The following NELL2 variants were observed in gnomAD, a reference collection of about 807,000 sequenced individuals.
NELL2 encodes the protein neural EGFL like 2.
In NELL2, 41 loss-of-function variants were observed where a neutral mutation model predicts 109.6. That is an observed-to-expected ratio of 0.37 (90% CI 0.29 to 0.49). NELL2 has a LOEUF of 0.49. Among genes scored for constraint, NELL2 ranks in the 20% least tolerant of loss-of-function variants. The probability of loss-of-function intolerance (pLI) is 0.98; values close to 1 mark genes in which losing one functional copy is unlikely to be tolerated. For missense variants in NELL2, 900 were observed against 1,008.3 expected (o/e 0.89, Z 1.45); for synonymous variants, 355 against 344.7 (o/e 1.03, Z -0.33).
At chr12:44,833,169 A>C (rs1346082603) in intron 2 of NELL2, among the ~76,000 whole-genome samples, 1 of 152,202 alleles carries the variant, frequency 6.6e-6, no homozygotes, top group Non-Finnish European at 1.5e-5. Flanking sequence ...TTGTTGTATA[A>C]CATTCCTTTT....
At chr12:44,563,573 C>CATAT (rs1943551695) in intron 15 of NELL2, among the ~76,000 whole-genome samples, 1 of 152,100 alleles carries the variant, frequency 6.6e-6, no homozygotes, top group African/African-American at 2.4e-5. Flanking sequence ...AGTAGATCAT[C>CATAT]ATATATGCCA....
chr12:44,639,260 A>C (rs1004938983), intron 13 of NELL2, among the ~76,000 whole-genome samples: 9 of 152,166 alleles, frequency 5.9e-5, no homozygotes, highest in Admixed American at 2.0e-4. Flanking sequence ...GATTCTACAG[A>C]TAGCAGATAT....
Position 44,774,852 on chromosome 12 carries a change from G to A in NELL2, c.892-3C>T. ...GTTTCACACTGGATGGTTCCATTCT[G>A]AAAAGGAAACAATATTTAAAGAATT... On this transcript the variant is annotated splice_region_variant and splice_polypyrimidine_tract_variant and intron_variant, in intron 8 of 19. Coordinates refer to ENST00000429094, the MANE Select transcript of NELL2 (RefSeq NM_001145108.2). 6.3e-7 allele frequency: 1 copy of A among 1,595,848 alleles called. No individual in the cohort carries two copies. The highest frequency in any genetic ancestry group is 8.6e-7 in the Non-Finnish European group (1 of 1,168,236).
intron 2 of NELL2, among the ~76,000 whole-genome samples, chr12:44,848,585 C>T (rs1592648537): frequency 6.6e-6 from 1 of 152,136 alleles, no homozygotes; most frequent in East Asian, 1.9e-4. Context: ...GAATACTCCT[C>T]CCAAAGATCT....
chr12:44,580,783 G>T (rs187866043), intron 15 of NELL2, among the ~76,000 whole-genome samples: 6 of 152,140 alleles, frequency 3.9e-5, no homozygotes. Flanking sequence ...CTTTAAGTTC[G>T]AAAAATCACT....
intron 15 of NELL2, among the ~76,000 whole-genome samples, chr12:44,568,106 T>G (rs1943727250): frequency 6.6e-6 from 1 of 152,060 alleles, no homozygotes; most frequent in South Asian, 2.1e-4. Context: ...CTAAAATCAT[T>G]AAAAGACTTG....
chr12:44,875,855 G>C lies in NELL2; in HGVS notation c.15C>G (p.Val5=), dbSNP rs772941075. The change falls in exon 1 of 20, where the codon GTC becomes GTG. Residue 5 remains valine (V), a synonymous_variant. Transcript: ENST00000429094. MESR[V]LLRTFCLIFG... ...AGATCAAACAGAATGTTCTCAGTAA[G>C]ACCCGAGACTCCATGGTGCGGATCA... 1.2e-5 allele frequency: 20 copies of C among 1,613,994 alleles called. 1 individual carries two copies. Among genetic ancestry groups the C allele is most frequent in the Non-Finnish European group, 1.4e-5 (16 of 1,180,036 alleles).
intron 9 of NELL2, among the ~76,000 whole-genome samples, chr12:44,734,975 T>G (rs927711602): frequency 2.0e-5 from 3 of 152,126 alleles, no homozygotes; most frequent in Non-Finnish European, 2.9e-5. Flanking sequence ...GAGGAAGGGA[T>G]GGAACTACTC....
At chr12:44,913,649 C>G (rs527881839) in intron 1 of NELL2, 10 of 366,554 alleles carry the variant, frequency 2.7e-5, no homozygotes, top group Non-Finnish European at 4.6e-5. Context: ...CTATAAAATT[C>G]GTAAACGTTA....
chr12:44,838,953 G>A (rs1297129079), intron 2 of NELL2, among the ~76,000 whole-genome samples: 1 of 152,156 alleles, frequency 6.6e-6, no homozygotes, highest in African/African-American at 2.4e-5. Flanking sequence ...TCTTCTGCTG[G>A]TCTAGAAGCC....
At chr12:44,580,736 T>C (rs1944294581) in intron 15 of NELL2, among the ~76,000 whole-genome samples, 1 of 151,936 alleles carries the variant, frequency 6.6e-6, no homozygotes, top group Non-Finnish European at 1.5e-5. Flanking sequence ...AACAAAAAAC[T>C]CATAATGCAT....
intron 2 of NELL2, among the ~76,000 whole-genome samples, chr12:44,854,732 A>T (rs144000739): frequency 0.021 from 3,127 of 151,670 alleles, 109 homozygotes; most frequent in East Asian, 0.18. Flanking sequence ...GGATGGATGG[A>T]TGGATGGATG....
At chr12:44,753,020 C>T (rs972491744) in intron 9 of NELL2, among the ~76,000 whole-genome samples, 2 of 152,110 alleles carry the variant, frequency 1.3e-5, no homozygotes, top group African/African-American at 4.8e-5. Flanking sequence ...ACGCTGCAAC[C>T]CTGCTGGCCT....
At chr12:44,886,114 AGG>A (rs1945469508) in intron 1 of NELL2, among the ~76,000 whole-genome samples, 1 of 147,292 alleles carries the variant, frequency 6.8e-6, no homozygotes, top group African/African-American at 2.5e-5. Context: ...GAAGGAAGGA[AGG>A]AAGGAAGGAA....
intron 2 of NELL2, among the ~76,000 whole-genome samples, chr12:44,866,813 A>G (rs528909466): frequency 6.6e-6 from 1 of 152,250 alleles, no homozygotes; most frequent in Admixed American, 6.5e-5. Flanking sequence ...GATACCACAG[A>G]AATACAAAAC....
chr12:44,685,203 T>G (rs144909976), intron 12 of NELL2, among the ~76,000 whole-genome samples: 2,964 of 152,232 alleles, frequency 0.019, 49 homozygotes, highest in Non-Finnish European at 0.03. Flanking sequence ...TTTGTTGGTT[T>G]AAAGTCTGTT....
chr12:44,667,799 A>G (rs1947978133), intron 12 of NELL2, among the ~76,000 whole-genome samples: 1 of 152,214 alleles, frequency 6.6e-6, no homozygotes, highest in East Asian at 1.9e-4. Context: ...GGAACTATCT[A>G]TTGTGAGGAA....
chr12:44,577,878 T>A, intron 15 of NELL2, among the ~76,000 whole-genome samples: 1 of 152,330 alleles, frequency 6.6e-6, no homozygotes, highest in Middle Eastern at 3.4e-3. Context: ...TGTGGCCCGA[T>A]CAATTCTAAC....
intron 13 of NELL2, among the ~76,000 whole-genome samples, chr12:44,619,655 G>T (rs1945973621): frequency 6.6e-6 from 1 of 152,080 alleles, no homozygotes. Flanking sequence ...AGAAGGAGGA[G>T]GAGGAGGAGG....
Sources: allele counts gnomAD v4.1 joint callset (sites outside exome capture counted in the v4.1 genomes callset), GRCh38; gene constraint gnomAD v4.1.1; transcripts MANE v1.5; gene names NCBI Gene and HGNC (gene_info 2026-07-23, HGNC 2026-07-21).